The following NPSR1 variants were observed in gnomAD, a reference collection of about 807,000 sequenced individuals.
NPSR1 encodes neuropeptide S receptor.
A neutral mutation model predicts 46.9 loss-of-function variants in NPSR1; 48 were observed. That is an observed-to-expected ratio of 1.02 (90% CI 0.81 to 1.30). The LOEUF (loss-of-function observed/expected upper bound fraction) is 1.30, where lower values mean the gene tolerates loss of function less well. Ranked by LOEUF, NPSR1 falls within the 50% of genes most tolerant of loss-of-function variation. The pLI is 0.00. For missense variants in NPSR1, 450 were observed against 449.5 expected (o/e 1.00, Z -0.01); for synonymous variants, 176 against 168.1 (o/e 1.05, Z -0.36).
chr7:34,700,320 T>C (rs1793758436), intron 2 of NPSR1, among the ~76,000 whole-genome samples: 1 of 152,104 alleles, frequency 6.6e-6, no homozygotes, highest in Non-Finnish European at 1.5e-5. Flanking sequence ...TTGTACTGGG[T>C]AGGCAAGGTA....
chr7:34,873,733 C>T (rs989713136), intron 8 of NPSR1, among the ~76,000 whole-genome samples: 2 of 151,736 alleles, frequency 1.3e-5, no homozygotes, highest in African/African-American at 4.9e-5. Context: ...GGTTACATTT[C>T]AGCATGAGAT....
chr7:34,845,134 A>G (rs1022386206), intron 7 of NPSR1, 152 bp downstream of exon 7: 5 of 661,664 alleles, frequency 7.6e-6, no homozygotes, highest in African/African-American at 5.4e-5. Context: ...CAGCCCATTC[A>G]TGGTTCCTTC....
chr7:34,685,276 C>G (rs372469262), intron 2 of NPSR1, among the ~76,000 whole-genome samples: 2 of 152,098 alleles, frequency 1.3e-5, no homozygotes, highest in South Asian at 4.1e-4. Context: ...GAAATATTCT[C>G]AAGGAAGAAA....
intron 2 of NPSR1, among the ~76,000 whole-genome samples, chr7:34,745,977 T>C (rs1562697473): frequency 6.6e-6 from 1 of 152,316 alleles, no homozygotes; most frequent in South Asian, 2.1e-4. Flanking sequence ...ACAAATACAG[T>C]CTTAGTATTA....
rs201121397 is a variant in NPSR1 at position 34,831,848 on chromosome 7, C to CA, written c.681-2525dup. On this transcript the variant is annotated intron_variant, in intron 5 of 8. Coordinates refer to ENST00000360581, the MANE Select transcript of NPSR1 (RefSeq NM_207172.2). The stretch of plus-strand genomic sequence containing the variant: ...AGAAGAGATTCACAACCGACAATTG[C>CA]AAAAAAAAAAAGTGGAAAAAGCACA... Among the ~76,000 whole-genome samples, 497 of 140,026 alleles carry CA rather than the reference C, an allele frequency of 3.5e-3. 3 individuals carry two copies. The highest frequency in any genetic ancestry group is 0.021 in the South Asian group (90 of 4,378). The allele number at this position is 140,026 out of a possible 152,430, so 91.9% of individuals were successfully genotyped here.
At chr7:34,831,923 T>G (rs1325711897) in intron 5 of NPSR1, among the ~76,000 whole-genome samples, 1 of 152,136 alleles carries the variant, frequency 6.6e-6, no homozygotes, top group Non-Finnish European at 1.5e-5. Context: ...TCATTTATTT[T>G]GCTTAGGAAA....
chr7:34,695,881 G>T (rs1426028986), intron 2 of NPSR1, among the ~76,000 whole-genome samples: 1 of 152,024 alleles, frequency 6.6e-6, no homozygotes, highest in African/African-American at 2.4e-5. Flanking sequence ...AACCACTATA[G>T]AAAACAGTAT....
intron 8 of NPSR1, among the ~76,000 whole-genome samples, chr7:34,876,932 C>T (rs1389054720): frequency 6.6e-6 from 1 of 152,216 alleles, no homozygotes; most frequent in African/African-American, 2.4e-5. Flanking sequence ...GCAGGAGTCA[C>T]TGGGGAATCA....
At chr7:34,769,420 T>C (rs1476894026) in intron 2 of NPSR1, among the ~76,000 whole-genome samples, 1 of 152,186 alleles carries the variant, frequency 6.6e-6, no homozygotes, top group Non-Finnish European at 1.5e-5. Context: ...GACATAAACA[T>C]TCAACAACTC....
intron 3 of NPSR1, among the ~76,000 whole-genome samples, chr7:34,801,593 C>A (rs1484194099): frequency 1.4e-5 from 2 of 142,124 alleles, no homozygotes; most frequent in Admixed American, 7.0e-5. Flanking sequence ...CTATCTATGA[C>A]AAACCCACAG....
intron 3 of NPSR1, among the ~76,000 whole-genome samples, chr7:34,805,005 C>T (rs535199409): frequency 1.3e-4 from 19 of 151,112 alleles, no homozygotes; most frequent in Admixed American, 2.6e-4. Context: ...CTATTGAAGA[C>T]GACTACAAAA....
chr7:34,733,920 C>A (rs1784553069), intron 2 of NPSR1, among the ~76,000 whole-genome samples: 1 of 152,030 alleles, frequency 6.6e-6, no homozygotes, highest in Non-Finnish European at 1.5e-5. Flanking sequence ...GGGGAAGGGA[C>A]AGAGATGATA....
intron 4 of NPSR1, among the ~76,000 whole-genome samples, chr7:34,818,988 C>T (rs1027604756): frequency 6.6e-6 from 1 of 152,122 alleles, no homozygotes; most frequent in African/African-American, 2.4e-5. Context: ...CTAGGCAATA[C>T]CATTCAGGAC....
chr7:34,858,920 A>T (rs1320179970), intron 8 of NPSR1, among the ~76,000 whole-genome samples: 4 of 151,714 alleles, frequency 2.6e-5, no homozygotes, highest in African/African-American at 7.3e-5. Flanking sequence ...CAAAGCAGGA[A>T]ATCACTTTTT....
chr7:34,819,112 T>C (rs1789415011), intron 4 of NPSR1, among the ~76,000 whole-genome samples: 1 of 152,086 alleles, frequency 6.6e-6, no homozygotes, highest in Non-Finnish European at 1.5e-5. Flanking sequence ...CAAAAGAAAC[T>C]ACCATCAGAG....
intron 4 of NPSR1, among the ~76,000 whole-genome samples, chr7:34,822,564 AGT>A (rs1789611143): frequency 2.0e-5 from 3 of 152,288 alleles, no homozygotes; most frequent in Non-Finnish European, 2.9e-5. Context: ...AGAAATATGC[AGT>A]GTTATATTAA....
At chr7:34,834,571 A>G in intron 6 of NPSR1, 111 bp downstream of exon 6, 2 of 796,450 alleles carry the variant, frequency 2.5e-6, no homozygotes, top group Non-Finnish European at 4.4e-6. Flanking sequence ...ACAGGATCAT[A>G]TCAGGACCCA....
chr7:34,659,981 A>T (rs972148674), intron 1 of NPSR1: 1 of 408,712 alleles, frequency 2.4e-6, no homozygotes, highest in Non-Finnish European at 4.9e-6. Context: ...TAAGGTGGTT[A>T]TTCTGAGACT....
At chr7:34,743,736 A>C (rs1785068448) in intron 2 of NPSR1, among the ~76,000 whole-genome samples, 1 of 152,210 alleles carries the variant, frequency 6.6e-6, no homozygotes. Context: ...TATGATCAAC[A>C]AATCTATAAT....
Sources: gnomAD v4.1 joint callset for allele counts (sites outside exome capture counted in the v4.1 genomes callset) on GRCh38, gnomAD v4.1.1 for gene constraint, MANE v1.5 for transcripts, NCBI Gene and HGNC (gene_info 2026-07-23, HGNC 2026-07-21) for gene names.